SEMA3A: variants seen among roughly 807,000 people sequenced by gnomAD.
SEMA3A encodes semaphorin-3A.
SEMA3A carries 29 observed loss-of-function variants against 97.9 expected under a neutral mutation model. The ratio of observed to expected loss-of-function variants is 0.30; its 90% confidence interval spans 0.22 to 0.40. The LOEUF (loss-of-function observed/expected upper bound fraction) is 0.40, where lower values mean the gene tolerates loss of function less well. SEMA3A is among the 10% of genes least tolerant of loss of function. The pLI, the probability that SEMA3A is intolerant of heterozygous loss-of-function variation, is 1.00. For missense variants in SEMA3A, 763 were observed against 951.3 expected (o/e 0.80, Z 2.60); for synonymous variants, 321 against 323.7 (o/e 0.99, Z 0.09).
At chr7:84,259,022 T>C (rs1799783036) in intron 3 of SEMA3A, among the ~76,000 whole-genome samples, 1 of 152,116 alleles carries the variant, frequency 6.6e-6, no homozygotes, top group Non-Finnish European at 1.5e-5. Flanking sequence ...AAATAGGATA[T>C]CTTATGCTGG....
intron 1 of SEMA3A, among the ~76,000 whole-genome samples, chr7:84,452,665 A>G (rs1584335606): frequency 6.6e-6 from 1 of 152,366 alleles, no homozygotes; most frequent in East Asian, 1.9e-4. Flanking sequence ...ATATGTAGTT[A>G]GACACTCACA....
intron 3 of SEMA3A, among the ~76,000 whole-genome samples, chr7:84,272,044 A>G (rs56349344): frequency 0.072 from 10,906 of 152,126 alleles, 547 homozygotes; most frequent in Non-Finnish European, 0.084. Context: ...TACTGCTGAT[A>G]GATATACTCA....
At chr7:84,339,580 G>A (rs1802113720) in intron 2 of SEMA3A, among the ~76,000 whole-genome samples, 1 of 152,104 alleles carries the variant, frequency 6.6e-6, no homozygotes. Flanking sequence ...AAGAATGTTT[G>A]CAAAACTTTC....
intron 1 of SEMA3A, among the ~76,000 whole-genome samples, chr7:84,153,683 C>A (rs780053520): frequency 7.9e-5 from 12 of 151,970 alleles, no homozygotes; most frequent in Non-Finnish European, 1.2e-4. Context: ...CATTTGAGGT[C>A]AAAAATGTTA....
intron 4 of SEMA3A, among the ~76,000 whole-genome samples, chr7:84,085,113 T>C (rs1238691512): frequency 6.6e-6 from 1 of 152,116 alleles, no homozygotes; most frequent in Non-Finnish European, 1.5e-5. Flanking sequence ...GGGATCTCTT[T>C]CAAATAAAGA....
At chr7:84,229,370 G>A (rs1799064570) in intron 3 of SEMA3A, among the ~76,000 whole-genome samples, 1 of 152,040 alleles carries the variant, frequency 6.6e-6, no homozygotes, top group African/African-American at 2.4e-5. Flanking sequence ...TAGAGTGAGT[G>A]ACACAGCATT....
intron 3 of SEMA3A, among the ~76,000 whole-genome samples, chr7:84,289,631 C>T (rs538895354): frequency 6.6e-6 from 1 of 152,098 alleles, no homozygotes; most frequent in East Asian, 1.9e-4. Context: ...CAAATGTTAG[C>T]AAGGATATTG....
intron 3 of SEMA3A, among the ~76,000 whole-genome samples, chr7:84,305,998 G>A (rs890062739): frequency 1.3e-5 from 2 of 151,510 alleles, no homozygotes; most frequent in African/African-American, 4.8e-5. Flanking sequence ...GTATGTATTA[G>A]AGAAGTGGTA....
At chr7:84,081,509 C>T (rs937584288) in intron 4 of SEMA3A, among the ~76,000 whole-genome samples, 8 of 148,978 alleles carry the variant, frequency 5.4e-5, no homozygotes, top group East Asian at 4.0e-4. Context: ...AGGAGAATGG[C>T]GTGAACCCGG....
chr7:84,028,235 T>C (rs1387774595), intron 6 of SEMA3A, among the ~76,000 whole-genome samples: 1 of 152,152 alleles, frequency 6.6e-6, no homozygotes, highest in Non-Finnish European at 1.5e-5. Context: ...ATTTTTCATA[T>C]CAAAATATTA....
chr7:84,244,774 A>G (rs1175493607), intron 3 of SEMA3A, among the ~76,000 whole-genome samples: 1 of 152,078 alleles, frequency 6.6e-6, no homozygotes, highest in Non-Finnish European at 1.5e-5. Context: ...CTTGTAAGAC[A>G]GGCCTGATGG....
chr7:84,255,545 G>C (rs1454666528), intron 3 of SEMA3A, among the ~76,000 whole-genome samples: 1 of 152,090 alleles, frequency 6.6e-6, no homozygotes, highest in Non-Finnish European at 1.5e-5. Flanking sequence ...TACTCAAATG[G>C]ATAGTCTTTG....
intron 2 of SEMA3A, among the ~76,000 whole-genome samples, chr7:84,351,085 A>G (rs1802427404): frequency 6.6e-6 from 1 of 152,014 alleles, no homozygotes; most frequent in South Asian, 2.1e-4. Flanking sequence ...ACACACACAC[A>G]CACACACACA....
intron 4 of SEMA3A, among the ~76,000 whole-genome samples, chr7:84,108,655 G>A (rs796912164): frequency 8.5e-5 from 13 of 152,108 alleles, no homozygotes; most frequent in African/African-American, 1.4e-4. Flanking sequence ...CCTGTAATCC[G>A]AGCACTTTGG....
chr7:84,059,747 T>C, intron 5 of SEMA3A, among the ~76,000 whole-genome samples: 1 of 151,856 alleles, frequency 6.6e-6, no homozygotes. Flanking sequence ...TTTAGGTTGT[T>C]GGTATGCTCA....
chr7:84,315,311 C>A (rs1382777895), intron 2 of SEMA3A, among the ~76,000 whole-genome samples: 1 of 152,030 alleles, frequency 6.6e-6, no homozygotes, highest in East Asian at 1.9e-4. Context: ...GACACTACAA[C>A]TGCAGGCACA....
At chr7:84,247,911 T>C (rs1799514089) in intron 3 of SEMA3A, among the ~76,000 whole-genome samples, 1 of 152,196 alleles carries the variant, frequency 6.6e-6, no homozygotes, top group Admixed American at 6.5e-5. Context: ...CAAGGTCCTT[T>C]AAGCATGATT....
At chr7:83,997,360 A>T (rs765433356) in intron 12 of SEMA3A, among the ~76,000 whole-genome samples, 4 of 152,266 alleles carry the variant, frequency 2.6e-5, no homozygotes, top group Non-Finnish European at 5.9e-5. Context: ...TGCTTATTTC[A>T]CTGTATATAG....
intron 3 of SEMA3A, among the ~76,000 whole-genome samples, chr7:84,280,586 C>T (rs1331701492): frequency 1.3e-5 from 2 of 151,988 alleles, no homozygotes; most frequent in Non-Finnish European, 2.9e-5. Flanking sequence ...GAGTTCAAGA[C>T]CAGCCTGGCC....
Sources: gnomAD v4.1 joint callset for allele counts (sites outside exome capture counted in the v4.1 genomes callset) on GRCh38, gnomAD v4.1.1 for gene constraint, MANE v1.5 for transcripts, NCBI Gene and HGNC (gene_info 2026-07-23, HGNC 2026-07-21) for gene names.